EBF1: variants seen among roughly 807,000 people sequenced by gnomAD.
EBF1 encodes the protein EBF transcription factor 1, also known as transcription factor COE1.
EBF1 carries 10 observed loss-of-function variants against 68.4 expected under a neutral mutation model. That is an observed-to-expected ratio of 0.15 (90% CI 0.09 to 0.25). EBF1 has a LOEUF of 0.25. Ranked by LOEUF, EBF1 falls within the 10% of genes least tolerant of loss-of-function variation. The pLI, the probability that EBF1 is intolerant of heterozygous loss-of-function variation, is 1.00. For missense variants in EBF1, 509 were observed against 794.4 expected (o/e 0.64, Z 4.32); for synonymous variants, 298 against 299.8 (o/e 0.99, Z 0.06).
intron 6 of EBF1, among the ~76,000 whole-genome samples, chr5:158,904,143 A>G (rs1804048150): frequency 1.3e-5 from 2 of 152,212 alleles, no homozygotes; most frequent in Admixed American, 6.5e-5. Flanking sequence ...GTGGTGCCTC[A>G]GAGCTCACAG....
At chr5:158,740,905 C>T (rs889808922) in intron 10 of EBF1, among the ~76,000 whole-genome samples, 2 of 152,156 alleles carry the variant, frequency 1.3e-5, no homozygotes, top group African/African-American at 2.4e-5. Flanking sequence ...TTCACAGTAC[C>T]CTGAGTATCT....
At chr5:158,945,130 T>A (rs1814367561) in intron 6 of EBF1, among the ~76,000 whole-genome samples, 1 of 152,218 alleles carries the variant, frequency 6.6e-6, no homozygotes. Context: ...AGTATTTTAG[T>A]CATGAAGTCT....
intron 6 of EBF1, among the ~76,000 whole-genome samples, chr5:158,947,829 T>G (rs1194509046): frequency 6.6e-6 from 1 of 152,080 alleles, no homozygotes; most frequent in Middle Eastern, 3.2e-3. Flanking sequence ...TGTGTAGAAA[T>G]GGAGGTTGAA....
At chr5:158,708,942 T>C (rs567760333) in intron 14 of EBF1, among the ~76,000 whole-genome samples, 2 of 152,324 alleles carry the variant, frequency 1.3e-5, no homozygotes, top group Admixed American at 1.3e-4. Flanking sequence ...GGGATGCAGA[T>C]AACCAATGAT....
At chr5:159,042,858 A>G (rs1057395935) in intron 6 of EBF1, among the ~76,000 whole-genome samples, 3 of 76,206 alleles carry the variant, frequency 3.9e-5, no homozygotes, top group African/African-American at 1.3e-4. Flanking sequence ...AAACATTCAC[A>G]GTAAAAAAAA....
intron 6 of EBF1, among the ~76,000 whole-genome samples, chr5:158,990,782 A>G (rs1402372022): frequency 1.3e-5 from 2 of 152,240 alleles, no homozygotes; most frequent in Non-Finnish European, 2.9e-5. Context: ...ACAAAGGCTC[A>G]TAACAGAATT....
At chr5:158,881,775 T>G (rs554533656) in intron 6 of EBF1, among the ~76,000 whole-genome samples, 1 of 152,298 alleles carries the variant, frequency 6.6e-6, no homozygotes, top group Admixed American at 6.5e-5. Context: ...CTTGTCTGCT[T>G]CCAGCAGCAA....
intron 6 of EBF1, among the ~76,000 whole-genome samples, chr5:158,902,486 G>C (rs766670585): frequency 2.0e-5 from 3 of 150,250 alleles, no homozygotes; most frequent in Non-Finnish European, 4.4e-5. Flanking sequence ...CAGTTGCAGT[G>C]GTGCAATCAT....
chr5:158,934,218 A>G (rs747748417), intron 6 of EBF1, among the ~76,000 whole-genome samples: 8 of 152,198 alleles, frequency 5.3e-5, no homozygotes, highest in Non-Finnish European at 8.8e-5. Flanking sequence ...TCACTTTAGA[A>G]CCATGTGTCA....
intron 6 of EBF1, among the ~76,000 whole-genome samples, chr5:158,928,908 T>C (rs976336261): frequency 2.0e-5 from 3 of 152,238 alleles, no homozygotes; most frequent in Admixed American, 6.5e-5. Context: ...ATTGCTAATA[T>C]GCATATAATT....
chr5:158,887,216 C>T (rs1800232566), intron 6 of EBF1, among the ~76,000 whole-genome samples: 2 of 152,242 alleles, frequency 1.3e-5, no homozygotes, highest in South Asian at 4.1e-4. Flanking sequence ...GACCATATGT[C>T]TCTATTTTCA....
intron 6 of EBF1, among the ~76,000 whole-genome samples, chr5:158,959,555 G>T (rs1292976811): frequency 6.6e-6 from 1 of 152,068 alleles, no homozygotes; most frequent in Non-Finnish European, 1.5e-5. Context: ...GCCTCCCAAA[G>T]TGCTGGGATT....
chr5:158,881,093 G>A (rs1798811319), intron 6 of EBF1, among the ~76,000 whole-genome samples: 1 of 152,178 alleles, frequency 6.6e-6, no homozygotes. Flanking sequence ...AGAAACTCTG[G>A]GGCCTGAGGA....
chr5:158,721,287 G>A (rs1270903070), intron 11 of EBF1, among the ~76,000 whole-genome samples: 1 of 152,156 alleles, frequency 6.6e-6, no homozygotes, highest in Non-Finnish European at 1.5e-5. Flanking sequence ...CATGGTATAG[G>A]AGACTCTGAA....
chr5:158,801,428 A>C (rs1245047018), intron 8 of EBF1, among the ~76,000 whole-genome samples: 1 of 152,138 alleles, frequency 6.6e-6, no homozygotes, highest in African/African-American at 2.4e-5. Flanking sequence ...TGCTAGCAGC[A>C]GGCACACATT....
chr5:158,985,119 T>A (rs997252948), intron 6 of EBF1, among the ~76,000 whole-genome samples: 4 of 152,186 alleles, frequency 2.6e-5, no homozygotes, highest in Non-Finnish European at 5.9e-5. Flanking sequence ...TTGATGTAAA[T>A]ACATTTGTTT....
chr5:158,991,089 A>G (rs1043753550), intron 6 of EBF1, among the ~76,000 whole-genome samples: 1 of 152,226 alleles, frequency 6.6e-6, no homozygotes, highest in Non-Finnish European at 1.5e-5. Context: ...GCTATGTACT[A>G]TCTGTGTGAT....
At chr5:159,073,269 C>T (rs542927139) in intron 6 of EBF1, 127 bp downstream of exon 6, 26 of 923,218 alleles carry the variant, frequency 2.8e-5, no homozygotes, top group Admixed American at 1.3e-4. Context: ...CTCAGCACAG[C>T]GTAAGTCATG....
At chr5:158,936,152 T>C (rs997782281) in intron 6 of EBF1, among the ~76,000 whole-genome samples, 1 of 152,218 alleles carries the variant, frequency 6.6e-6, no homozygotes, top group African/African-American at 2.4e-5. Context: ...TTTTGCTTTT[T>C]TGCCAAGACC....
Sources: allele counts gnomAD v4.1 joint callset (sites outside exome capture counted in the v4.1 genomes callset), GRCh38; gene constraint gnomAD v4.1.1; transcripts MANE v1.5; gene names NCBI Gene and HGNC (gene_info 2026-07-23, HGNC 2026-07-21).